Variants in SLC44A1 observed in about 807,000 individuals in gnomAD.
SLC44A1 encodes the protein choline transporter-like protein 1.
A neutral mutation model predicts 79.3 loss-of-function variants in SLC44A1; 26 were observed. The ratio of observed to expected loss-of-function variants is 0.33; its 90% CI spans 0.24 to 0.46. The LOEUF (loss-of-function observed/expected upper bound fraction) is 0.46. Ranked by LOEUF, SLC44A1 falls within the 20% of genes least tolerant of loss-of-function variation. SLC44A1 has a pLI of 1.00. For synonymous variants in SLC44A1, 263 were observed against 286.2 expected (o/e 0.92, Z 0.82); for missense variants, 688 against 798.1 (o/e 0.86, Z 1.66).
intron 12 of SLC44A1, among the ~76,000 whole-genome samples, chr9:105,373,339 A>G (rs1274780385): frequency 6.6e-6 from 1 of 152,200 alleles, no homozygotes; most frequent in African/African-American, 2.4e-5. Flanking sequence ...CTAAGACTCA[A>G]ACATATTTGA....
At chr9:105,258,467 A>G (rs758695918) in intron 1 of SLC44A1, among the ~76,000 whole-genome samples, 72 of 152,130 alleles carry the variant, frequency 4.7e-4, no homozygotes, top group Non-Finnish European at 1.5e-4. Context: ...AGTTAGCCTC[A>G]TTTTACAGAG....
chr9:105,423,078 A>G (rs560564542), intron 15 of SLC44A1, among the ~76,000 whole-genome samples: 2 of 152,332 alleles, frequency 1.3e-5, no homozygotes, highest in Admixed American at 1.3e-4. Flanking sequence ...GAGTGTTTGA[A>G]ATCTACTCTT....
At chr9:105,284,019 G>A (rs1015904429) in intron 1 of SLC44A1, among the ~76,000 whole-genome samples, 2 of 152,092 alleles carry the variant, frequency 1.3e-5, no homozygotes, top group Non-Finnish European at 2.9e-5. Flanking sequence ...GTAAAAGCAC[G>A]TCTGCATGAG....
intron 2 of SLC44A1, among the ~76,000 whole-genome samples, chr9:105,303,522 C>G (rs1352042854): frequency 1.3e-5 from 2 of 152,190 alleles, no homozygotes; most frequent in African/African-American, 4.8e-5. Flanking sequence ...GAGCTAGACA[C>G]TGTTCTTAGC....
At chr9:105,427,117 G>A (rs1292534991) in intron 15 of SLC44A1, among the ~76,000 whole-genome samples, 1 of 152,028 alleles carries the variant, frequency 6.6e-6, no homozygotes, top group Non-Finnish European at 1.5e-5. Flanking sequence ...TTTTTTAGTA[G>A]AGGCAGTGTT....
intron 13 of SLC44A1, among the ~76,000 whole-genome samples, chr9:105,377,751 G>A: frequency 6.7e-6 from 1 of 148,500 alleles, no homozygotes; most frequent in East Asian, 1.9e-4. Flanking sequence ...GACAGAGCAA[G>A]ACTCTGTCTT....
At chr9:105,336,134 ATGTGTGTGTG>A (rs35324360) in intron 4 of SLC44A1, among the ~76,000 whole-genome samples, 4 of 144,986 alleles carry the variant, frequency 2.8e-5, no homozygotes, top group Non-Finnish European at 3.1e-5. Flanking sequence ...GTGTGTGTGC[ATGTGTGTGTG>A]TGTGTGTGTG....
chr9:105,356,855 T>A (rs1827638874), intron 6 of SLC44A1, among the ~76,000 whole-genome samples: 1 of 152,074 alleles, frequency 6.6e-6, no homozygotes, highest in African/African-American at 2.4e-5. Context: ...GCTGGAAAAA[T>A]TAGGAAATCT....
Position 105,391,825 on chromosome 9 carries a change from T to A in SLC44A1, c.*2769T>A, listed in dbSNP as rs1032439044. On this transcript the variant is annotated 3_prime_UTR_variant, in exon 16 of 16. Coordinates refer to ENST00000374720, the MANE Select transcript of SLC44A1 (RefSeq NM_080546.5). ...GAATAATTTCATAAATCATTGATTC[T>A]ATGTGGTGGTTTTTGTCTTCTTCTG... 1 of 985,192 alleles carries A rather than the reference T, an allele frequency of 1.0e-6. No individual in the cohort carries two copies. The highest frequency in any genetic ancestry group is 1.7e-5 in the African/African-American group (1 of 57,242). The allele number at this position is 985,192 out of a possible 1,614,324, so 61.0% of individuals were successfully genotyped here.
intron 1 of SLC44A1, among the ~76,000 whole-genome samples, chr9:105,265,551 T>C (rs1047994541): frequency 2.0e-5 from 3 of 152,248 alleles, no homozygotes; most frequent in African/African-American, 7.2e-5. Flanking sequence ...CGGGGTTGTT[T>C]CCAGTTTGGG....
At chr9:105,299,814 T>C in intron 2 of SLC44A1, 1 of 986,778 alleles carries the variant, frequency 1.0e-6, no homozygotes, top group Non-Finnish European at 1.2e-6. Flanking sequence ...CCTGGTGGTT[T>C]TCCAACGGCC....
chr9:105,283,739 T>A (rs1056590760), intron 1 of SLC44A1, among the ~76,000 whole-genome samples: 2 of 152,378 alleles, frequency 1.3e-5, no homozygotes, highest in South Asian at 2.1e-4. Flanking sequence ...GAGTCCTTTC[T>A]CATTCCACCT....
intron 13 of SLC44A1, among the ~76,000 whole-genome samples, chr9:105,378,377 A>G (rs1419237068): frequency 6.6e-6 from 1 of 152,154 alleles, no homozygotes; most frequent in African/African-American, 2.4e-5. Flanking sequence ...CTGTTGTGTC[A>G]TTTATTTAAT....
At chr9:105,256,067 G>A (rs574172625) in intron 1 of SLC44A1, among the ~76,000 whole-genome samples, 47 of 152,228 alleles carry the variant, frequency 3.1e-4, no homozygotes, top group African/African-American at 1.1e-3. Flanking sequence ...TGGCTGGAGT[G>A]CAGTAGTGGA....
chr9:105,299,089 G>A (rs932818545), intron 1 of SLC44A1, 131 bp from the exon 2 acceptor site: 1 of 623,010 alleles, frequency 1.6e-6, no homozygotes, highest in East Asian at 3.1e-5. Flanking sequence ...AAATATTTGA[G>A]TTGTGTCTTA....
chr9:105,408,402 T>TTTGTTGTTGTTG (rs71364094), intron 15 of SLC44A1, among the ~76,000 whole-genome samples: 4,690 of 151,838 alleles, frequency 0.031, 228 homozygotes, highest in African/African-American at 0.11. Flanking sequence ...TTGTCACTCA[T>TTTGTTGTTGTTG]TTGTTGTTGT....
intron 5 of SLC44A1, among the ~76,000 whole-genome samples, chr9:105,350,522 A>G (rs776802225): frequency 6.6e-6 from 1 of 152,096 alleles, no homozygotes; most frequent in African/African-American, 2.4e-5. Flanking sequence ...AGGCAAAACT[A>G]TGAGGCAGGC....
chr9:105,307,471 C>T (rs929365577), intron 2 of SLC44A1, among the ~76,000 whole-genome samples: 1 of 152,064 alleles, frequency 6.6e-6, no homozygotes, highest in African/African-American at 2.4e-5. Flanking sequence ...TGGTGAAACC[C>T]TGTGTCTACT....
At chr9:105,329,695 A>G (rs1028451818) in intron 3 of SLC44A1, among the ~76,000 whole-genome samples, 14 of 152,110 alleles carry the variant, frequency 9.2e-5, no homozygotes, top group South Asian at 2.1e-4. Flanking sequence ...TCCTTGGTGC[A>G]TAGCTCTTTG....
Sources: allele counts gnomAD v4.1 joint callset (sites outside exome capture counted in the v4.1 genomes callset), GRCh38; gene constraint gnomAD v4.1.1; transcripts MANE v1.5; gene names NCBI Gene and HGNC (gene_info 2026-07-23, HGNC 2026-07-21).